Variants in CNOT6L observed in about 807,000 individuals in gnomAD.
CNOT6L encodes the protein CCR4-NOT transcription complex subunit 6 like, also known as CCR4-NOT transcription complex subunit 6-like.
A neutral mutation model predicts 64.0 loss-of-function variants in CNOT6L; 7 were observed. The ratio of observed to expected loss-of-function variants is 0.11; its 90% confidence interval spans 0.06 to 0.21. The LOEUF (loss-of-function observed/expected upper bound fraction) is 0.21. Ranked by LOEUF, CNOT6L falls within the 10% of genes least tolerant of loss-of-function variation. The probability of loss-of-function intolerance (pLI) is 1.00; values close to 1 mark genes in which losing one functional copy is unlikely to be tolerated. For synonymous variants in CNOT6L, 193 were observed against 243.4 expected (o/e 0.79, Z 1.93); for missense variants, 245 against 669.0 (o/e 0.37, Z 6.99).
chr4:77,763,037 CAG>C (rs1338813694), intron 4 of CNOT6L, among the ~76,000 whole-genome samples: 1 of 151,734 alleles, frequency 6.6e-6, no homozygotes, highest in East Asian at 1.9e-4. Flanking sequence ...AGTCTAGAAA[CAG>C]AATAGAGCAA....
chr4:77,745,631 T>G (rs548015780), intron 6 of CNOT6L, among the ~76,000 whole-genome samples: 3 of 152,354 alleles, frequency 2.0e-5, no homozygotes, highest in East Asian at 3.9e-4. Flanking sequence ...TGAAAAGCCC[T>G]GATTTTTATC....
chr4:77,791,814 C>T (rs368937585), intron 1 of CNOT6L, among the ~76,000 whole-genome samples: 2 of 151,884 alleles, frequency 1.3e-5, no homozygotes, highest in East Asian at 3.9e-4. Flanking sequence ...AAAAATATTC[C>T]GATAAGGAAA....
chr4:77,810,479 C>A (rs1235322976), intron 1 of CNOT6L, among the ~76,000 whole-genome samples: 1 of 151,874 alleles, frequency 6.6e-6, no homozygotes, highest in East Asian at 1.9e-4. Flanking sequence ...TTAACCATAC[C>A]CCCAATATGG....
chr4:77,751,454 G>A (rs1363120230), intron 5 of CNOT6L, among the ~76,000 whole-genome samples: 2 of 152,138 alleles, frequency 1.3e-5, no homozygotes, highest in African/African-American at 2.4e-5. Context: ...AAGGACAGGA[G>A]AAAGGATGTG....
chr4:77,802,552 G>C (rs1453614457), intron 1 of CNOT6L, among the ~76,000 whole-genome samples: 1 of 152,144 alleles, frequency 6.6e-6, no homozygotes, highest in Non-Finnish European at 1.5e-5. Context: ...ATTATTTCTT[G>C]AAACTTTCCC....
rs540028349 is a variant in CNOT6L, at chr4:77,794,680, T to C, written c.6-18288A>G. Among the ~76,000 whole-genome samples, 73 of 152,282 alleles carry C rather than the reference T, an allele frequency of 4.8e-4. 1 individual carries two copies. The highest frequency in any genetic ancestry group is 1.7e-3 in the African/African-American group (71 of 41,564). ...TCTATAGCTAACATTAATGGTGAAA[T>C]TCTGAATGCTTTTCTCCTAAGATCA... On this transcript the variant is annotated intron_variant, in intron 1 of 11. Coordinates refer to ENST00000504123, the MANE Select transcript of CNOT6L (RefSeq NM_144571.3).
chr4:77,772,623 T>C (rs1326974658), intron 4 of CNOT6L, among the ~76,000 whole-genome samples: 1 of 152,172 alleles, frequency 6.6e-6, no homozygotes, highest in Admixed American at 6.5e-5. Flanking sequence ...ATTTGATACT[T>C]AAAGAACTAC....
intron 11 of CNOT6L, among the ~76,000 whole-genome samples, chr4:77,723,658 C>A (rs1370262783): frequency 6.6e-6 from 1 of 152,106 alleles, no homozygotes; most frequent in Non-Finnish European, 1.5e-5. Context: ...ATCCAGCCAG[C>A]CTATTTATCT....
intron 8 of CNOT6L, among the ~76,000 whole-genome samples, chr4:77,740,595 G>C (rs1193065321): frequency 1.3e-5 from 2 of 152,160 alleles, no homozygotes. Flanking sequence ...GGAAATAGCT[G>C]TATAGCTGCC....
intron 7 of CNOT6L, among the ~76,000 whole-genome samples, 199 bp downstream of exon 7, chr4:77,744,519 T>C (rs1158480011): frequency 3.3e-5 from 5 of 152,190 alleles, no homozygotes; most frequent in African/African-American, 1.2e-4. Context: ...AAGTAGGTGG[T>C]TGTATTCAGT....
intron 9 of CNOT6L, 95 bp downstream of exon 9, chr4:77,731,291 GC>G (rs1722421259): frequency 8.9e-7 from 1 of 1,128,696 alleles, no homozygotes; most frequent in African/African-American, 1.6e-5. Context: ...AAATAACTTT[GC>G]AATAAATAAC....
chr4:77,735,950 A>C (rs1345162378), intron 8 of CNOT6L, among the ~76,000 whole-genome samples: 1 of 152,164 alleles, frequency 6.6e-6, no homozygotes, highest in African/African-American at 2.4e-5. Flanking sequence ...TTTAAACATA[A>C]ATCTTGAGCA....
chr4:77,723,136 G>C (rs1048327017), intron 11 of CNOT6L, among the ~76,000 whole-genome samples: 1 of 152,064 alleles, frequency 6.6e-6, no homozygotes, highest in Non-Finnish European at 1.5e-5. Flanking sequence ...CCTCAGATTA[G>C]AGGATAAACG....
At chr4:77,817,724 G>C (rs550863676) in intron 1 of CNOT6L, among the ~76,000 whole-genome samples, 1 of 152,074 alleles carries the variant, frequency 6.6e-6, no homozygotes, top group Non-Finnish European at 1.5e-5. Context: ...ACAGCTCTTC[G>C]CCCCTCCTTC....
At chr4:77,745,472 ACTGTG>A (rs910334783) in intron 6 of CNOT6L, among the ~76,000 whole-genome samples, 102 of 152,314 alleles carry the variant, frequency 6.7e-4, no homozygotes, top group African/African-American at 2.2e-3. Flanking sequence ...GCTACTCAAA[ACTGTG>A]CTGTGAAGAC....
At chr4:77,743,921 A>G (rs1278218907) in intron 7 of CNOT6L, among the ~76,000 whole-genome samples, 1 of 152,040 alleles carries the variant, frequency 6.6e-6, no homozygotes, top group Non-Finnish European at 1.5e-5. Context: ...CAACATTTTT[A>G]AACACCTTTA....
intron 1 of CNOT6L, 23 bp downstream of exon 1, chr4:77,819,281 T>C: frequency 6.2e-7 from 1 of 1,613,354 alleles, no homozygotes; most frequent in Non-Finnish European, 8.5e-7. Flanking sequence ...TCGGTCCTAC[T>C]CGGAGGCAAA....
intron 1 of CNOT6L, among the ~76,000 whole-genome samples, chr4:77,817,380 A>C (rs1282538773): frequency 6.6e-6 from 1 of 152,180 alleles, no homozygotes; most frequent in Non-Finnish European, 1.5e-5. Context: ...TTTACGTTAT[A>C]GTTACTTAAT....
At chr4:77,790,294 A>G (rs1470315484) in intron 1 of CNOT6L, among the ~76,000 whole-genome samples, 1 of 152,090 alleles carries the variant, frequency 6.6e-6, no homozygotes, top group Non-Finnish European at 1.5e-5. Flanking sequence ...ACCACAGTTT[A>G]TTTATCCACT....
Sources: gnomAD v4.1 joint callset for allele counts (sites outside exome capture counted in the v4.1 genomes callset) on GRCh38, gnomAD v4.1.1 for gene constraint, MANE v1.5 for transcripts, NCBI Gene and HGNC (gene_info 2026-07-23, HGNC 2026-07-21) for gene names.